Variants in DNAH17 observed in about 807,000 individuals in gnomAD.
The protein encoded by DNAH17 is dynein axonemal heavy chain 17, also known as axonemal beta dynein heavy chain 17.
A neutral mutation model predicts 485.6 loss-of-function variants in DNAH17; 376 were observed. The ratio of observed to expected loss-of-function variants is 0.77; its 90% CI spans 0.71 to 0.84. The LOEUF (loss-of-function observed/expected upper bound fraction) is 0.84, where lower values mean the gene tolerates loss of function less well. Ranked by LOEUF, DNAH17 falls within the 40% of genes least tolerant of loss-of-function variation. The pLI is 0.00. For synonymous variants in DNAH17, 3,031 were observed against 2,405.9 expected, an observed-to-expected ratio of 1.26 and a Z score of -7.60; for missense variants, 6,370 against 5,839.3, an observed-to-expected ratio of 1.09 and a Z score of -2.96.
At chr17:78,445,990 G>A (rs1021591961) in intron 69 of DNAH17, among the ~76,000 whole-genome samples, 1 of 151,868 alleles carries the variant, frequency 6.6e-6, no homozygotes, top group Non-Finnish European at 1.5e-5. Flanking sequence ...TGGCCAACAT[G>A]GTGAAACCCT....
At chr17:78,551,353 C>T (rs1028328001) in intron 16 of DNAH17, among the ~76,000 whole-genome samples, 182 bp downstream of exon 16, 16 of 152,230 alleles carry the variant, frequency 1.1e-4, no homozygotes, top group African/African-American at 3.9e-4. Context: ...CACAGAGCAA[C>T]TGGGCTCTTT....
chr17:78,462,328 A>T (rs917966269), intron 57 of DNAH17, among the ~76,000 whole-genome samples: 1 of 151,690 alleles, frequency 6.6e-6, no homozygotes, highest in Non-Finnish European at 1.5e-5. Flanking sequence ...TCTGTTCACA[A>T]CTCCAGCAGG....
At chr17:78,429,922 G>C (rs939936860) in intron 75 of DNAH17, among the ~76,000 whole-genome samples, 2 of 152,192 alleles carry the variant, frequency 1.3e-5, no homozygotes, top group Admixed American at 1.3e-4. Context: ...GTCACATAGA[G>C]GGTTTGAGCA....
chr17:78,460,090 C>T (rs1212819899), intron 59 of DNAH17, 72 bp downstream of exon 59: 2 of 1,583,962 alleles, frequency 1.3e-6, no homozygotes, highest in Non-Finnish European at 1.7e-6. Flanking sequence ...TGTGTCACCA[C>T]CCACGCCAAC....
At chr17:78,446,705 G>A (rs1033796421) in intron 69 of DNAH17, among the ~76,000 whole-genome samples, 5 of 152,078 alleles carry the variant, frequency 3.3e-5, no homozygotes, top group East Asian at 1.9e-4. Context: ...GCGCAGTAGC[G>A]CAATCTCGGC....
At position 78,575,876 on chromosome 17, in the gene DNAH17, A is replaced by G. The variant is rs561337812; in HGVS notation, c.-25-794T>C. 3.3e-5 allele frequency among the ~76,000 whole-genome samples: 5 copies of G among 152,380 alleles called. No individual in the cohort carries two copies. In the South Asian group the frequency reaches 1.0e-3, roughly 32 times the overall value. ...TTAAACATCAAAATGAATGCAAACA[A>G]ATTTATGAACAAAATACCAAAGTTT... On this transcript the variant is annotated intron_variant, in intron 1 of 80. Transcript: ENST00000389840.
rs367701168 is a variant in DNAH17 at position 78,543,775 on chromosome 17, G to A, written c.2532+82C>T. 93 of 1,594,222 alleles carry A rather than the reference G, an allele frequency of 5.8e-5. No homozygotes were observed. The African/African-American group carries it at 8.3e-4, about 14-fold the overall frequency. ...GAAATGTGTCACTAATCATTTTTAT[G>A]AAATCTCCAGCCCTGGGTTTACTCT... is the stretch of plus-strand genomic sequence containing the variant. On this transcript the variant is annotated intron_variant, in intron 17 of 80. Transcript: ENST00000389840.
At chr17:78,429,327 G>T (rs1255413349) in intron 75 of DNAH17, 27 bp from the exon 76 acceptor site, 1 of 1,606,106 alleles carries the variant, frequency 6.2e-7, no homozygotes, top group Non-Finnish European at 8.5e-7. Context: ...GCGGGTAGGG[G>T]AAAGTGCCCC....
chr17:78,521,187 C>T (rs1028358637), intron 25 of DNAH17, among the ~76,000 whole-genome samples: 1 of 152,286 alleles, frequency 6.6e-6, no homozygotes, highest in African/African-American at 2.4e-5. Flanking sequence ...AGGTGGATCG[C>T]TTGAGGTCAT....
intron 33 of DNAH17, chr17:78,502,363 C>T (rs2090327713): frequency 2.4e-6 from 1 of 415,202 alleles, no homozygotes; most frequent in Non-Finnish European, 4.3e-6. Context: ...GGCGAGAAAT[C>T]AAAGTACATA....
At chr17:78,427,379 C>T (rs74539288) in intron 77 of DNAH17, among the ~76,000 whole-genome samples, 3,223 of 152,312 alleles carry the variant, frequency 0.021, 118 homozygotes, top group African/African-American at 0.073. Context: ...CTCGGTGCCT[C>T]ATTTGTTCAT....
Position 78,499,072 on chromosome 17 carries a change from G to T in DNAH17, c.5681C>A (p.Ala1894Asp). ...NIYKGLAQTG[A>D]WGCFDEFNRI... ...ATTAAACTCGTCAAAGCAGCCCCAG[G>T]CTCCCGTCTGGGCCAGGCCCTTGTA... Residue 1894 changes from alanine (A) to aspartate (D), a missense_variant, in exon 37 of 81, where the codon GCC (alanine) becomes GAC (aspartate). By Grantham distance (126) the Ala-to-Asp change is moderately radical. Transcript: ENST00000389840. 6.2e-7 allele frequency: 1 copy of T among 1,608,870 alleles called. No homozygotes were observed. The highest frequency in any genetic ancestry group is 8.5e-7 in the Non-Finnish European group (1 of 1,177,626).
Position 78,532,736 on chromosome 17 carries a change from T to A in DNAH17, c.2860A>T (p.Met954Leu). Residue 954 changes from methionine (M) to leucine (L), a missense_variant and splice_region_variant, in exon 20 of 81, where the codon ATG (methionine) becomes TTG (leucine). By Grantham distance (15) the Met-to-Leu change is conservative (BLOSUM62 2). Coordinates refer to ENST00000389840, the MANE Select transcript of DNAH17 (RefSeq NM_173628.4). The stretch of plus-strand genomic sequence containing the variant: ...AGGTCTGTGTTATCTTCCAGGTCCA[T>A]CTGAAAGGGGCAGGGGAGAAGCAAA... ...RLAKDRMNYK[M>L]DLEDNTDLIE... 6.3e-7 allele frequency: 1 copy of A among 1,590,866 alleles called. No individual in the cohort carries two copies. Among genetic ancestry groups the A allele is most frequent in the South Asian group, 1.1e-5 (1 of 87,528 alleles).
Position 78,455,738 on chromosome 17 carries a change from A to G in DNAH17, c.10076T>C (p.Ile3359Thr), listed in dbSNP as rs746169675. ...GVTLCGDVLL[I>T]SAFVSYVGYF... ...GCCCACGTAGGACACGAAGGCAGAG[A>G]TGAGCAGGACGTCCCCACACAGCGT... Residue 3359 changes from isoleucine to threonine, a missense_variant, in exon 63 of 81, where the codon ATC becomes ACC. Transcript: ENST00000389840. 24 of 1,612,650 alleles carry G rather than the reference A, an allele frequency of 1.5e-5. No individual in the cohort carries two copies. Among genetic ancestry groups the G allele is most frequent in the Non-Finnish European group, 1.7e-5 (20 of 1,179,410 alleles).
At chr17:78,524,721 TGA>T (rs147834731) in intron 25 of DNAH17, among the ~76,000 whole-genome samples, 4 of 149,554 alleles carry the variant, frequency 2.7e-5, no homozygotes, top group African/African-American at 7.4e-5. Context: ...AGGTGAGATG[TGA>T]GAGAGAATGA....
At chr17:78,475,500 T>C (rs1471521630) in intron 53 of DNAH17, 31 bp from the exon 54 acceptor site, 1 of 1,612,674 alleles carries the variant, frequency 6.2e-7, no homozygotes, top group East Asian at 2.2e-5. Context: ...CCACAACATC[T>C]TGTAGCACCT....
At chr17:78,566,392 C>T (rs939284754) in intron 11 of DNAH17, among the ~76,000 whole-genome samples, 5 of 152,216 alleles carry the variant, frequency 3.3e-5, no homozygotes, top group Admixed American at 2.0e-4. Flanking sequence ...CCATCTCACA[C>T]TCACTTGCTC....
chr17:78,434,130 T>C lies in DNAH17; in HGVS notation c.12124A>G (p.Lys4042Glu), dbSNP rs1460002134. ...YFHAVVAERR[K>E]FGAQGWNRSY... ...CGGTTCCAGCCCTGGGCGCCGAACT[T>C]GCGCCTCTCTGCCACCACAGCGTGG... The change falls in exon 75 of 81, where the codon AAG becomes GAG. Residue 4042 changes from lysine to glutamate, a missense_variant. Lys to Glu is a moderately conservative substitution (Grantham distance 56). Transcript: ENST00000389840. The C allele has an allele frequency of 1.2e-6, 2 of 1,613,498 alleles. No individual in the cohort carries two copies. Among genetic ancestry groups the C allele is most frequent in the Non-Finnish European group, 1.7e-6 (2 of 1,179,844 alleles).
rs370307232 is a variant in DNAH17, at chr17:78,525,120, C to T, written c.3753G>A (p.Ala1251=). 2.0e-5 allele frequency: 33 copies of T among 1,613,684 alleles called. No homozygotes were observed. The African/African-American group carries it at 2.1e-4, about 10-fold the overall frequency. Residue 1251 remains alanine (A), a synonymous_variant, in exon 25 of 81, where the codon GCG becomes GCA. Transcript: ENST00000389840. ...CGAACAGGCCCCCGGACTTGGACAG[C>T]GCCTCCATGATGCCTTCCATGGCGG... ...SISAMEGIME[A]LSKSGGLFEV...
Sources: gnomAD v4.1 joint callset for allele counts (sites outside exome capture counted in the v4.1 genomes callset) on GRCh38, gnomAD v4.1.1 for gene constraint, MANE v1.5 for transcripts, NCBI Gene and HGNC (gene_info 2026-07-23, HGNC 2026-07-21) for gene names.